The following PTTG1IP variants were observed in gnomAD, a reference collection of about 807,000 sequenced individuals.
PTTG1IP encodes the protein PTTG1 interacting protein, also known as pituitary tumor-transforming gene 1 protein-interacting protein.
Under a neutral mutation model 24.4 loss-of-function variants are expected in PTTG1IP, and 16 were observed. The observed-to-expected ratio is 0.66, with a 90% CI of 0.44 to 1.00. PTTG1IP has a LOEUF of 1.00. PTTG1IP is among the 50% of genes least tolerant of loss of function. PTTG1IP has a pLI of 0.00. For synonymous variants in PTTG1IP, 89 were observed against 96.8 expected (o/e 0.92, Z 0.47); for missense variants, 241 against 245.8 (o/e 0.98, Z 0.13).
intron 2 of PTTG1IP, chr21:44,861,868 G>T (rs1323587433): frequency 1.4e-6 from 1 of 717,172 alleles, no homozygotes; most frequent in South Asian, 1.5e-5. Context: ...GAATGGACTT[G>T]GGTGAGCATG....
intron 3 of PTTG1IP, among the ~76,000 whole-genome samples, chr21:44,860,822 T>C (rs2083485300): frequency 6.6e-6 from 1 of 152,084 alleles, no homozygotes; most frequent in Non-Finnish European, 1.5e-5. Flanking sequence ...TTCTTTTTTT[T>C]TTGAGACAGT....
intron 3 of PTTG1IP, among the ~76,000 whole-genome samples, chr21:44,857,224 C>T (rs560402955): frequency 6.6e-6 from 1 of 152,240 alleles, no homozygotes; most frequent in Non-Finnish European, 1.5e-5. Context: ...CACCTATAAT[C>T]CCAGCACTTT....
At chr21:44,853,623 G>A (rs78467371) in intron 5 of PTTG1IP, among the ~76,000 whole-genome samples, 4,799 of 152,122 alleles carry the variant, frequency 0.032, 98 homozygotes, top group Middle Eastern at 0.11. Flanking sequence ...CACGCTCCAC[G>A]TACACAGGCA....
chr21:44,856,515 G>A (rs1290702591), intron 3 of PTTG1IP, 151 bp from the exon 4 acceptor site: 4 of 845,810 alleles, frequency 4.7e-6, no homozygotes, highest in East Asian at 2.7e-5. Context: ...CTGGCGTGTG[G>A]AGAGCCTGTG....
chr21:44,867,328 C>T (rs1221987405), intron 1 of PTTG1IP, among the ~76,000 whole-genome samples: 2 of 152,044 alleles, frequency 1.3e-5, no homozygotes, highest in African/African-American at 2.4e-5. Flanking sequence ...GAGCGAAAGA[C>T]GCCTTCCACA....
rs1018516740 is a variant in PTTG1IP, at chr21:44,861,747, C to T, written c.169-476G>A. 7.3e-5 allele frequency: 52 copies of T among 717,232 alleles called. No individual in the cohort carries two copies. In the East Asian group the frequency reaches 7.8e-4, roughly 11 times the overall value. 44.4% of individuals were successfully genotyped at this position (717,232 alleles called of 1,614,324 possible). On this transcript the variant is annotated intron_variant, in intron 2 of 5. Transcript: ENST00000330938. ...CCTCACCTCCTGTGAGGTTTGCTTC[C>T]GTAGACCTCTCCTCCCCACACGCCG...
intron 4 of PTTG1IP, 144 bp from the exon 5 acceptor site, chr21:44,855,400 G>T: frequency 1.2e-6 from 1 of 832,688 alleles, no homozygotes; most frequent in Non-Finnish European, 1.9e-6. Context: ...ACCAGGGTGA[G>T]GACAAGCTTG....
chr21:44,855,160 C>T (rs368241467), intron 5 of PTTG1IP, 50 bp downstream of exon 5: 2 of 1,542,194 alleles, frequency 1.3e-6, no homozygotes, highest in Admixed American at 1.7e-5. Flanking sequence ...ACCGAGACAG[C>T]GTGCCATCGC....
Position 44,855,289 on chromosome 21 carries a change from C to T in PTTG1IP, c.450-33G>A, listed in dbSNP as rs756271196. Reference sequence around the variant, plus strand: ...ACAGAGGAACATTATGAGCACCAAACGACAGCGCACGGTGGTGTAACTGCT... The same window carrying T: ...ACAGAGGAACATTATGAGCACCAAATGACAGCGCACGGTGGTGTAACTGCT... On this transcript the variant is annotated intron_variant, in intron 4 of 5. Coordinates refer to ENST00000330938, the MANE Select transcript of PTTG1IP (RefSeq NM_004339.4). The T allele has an allele frequency of 1.1e-5, 17 of 1,587,856 alleles. No homozygotes were observed. In the South Asian group the frequency reaches 1.7e-4, roughly 15 times the overall value.
At position 44,856,239 on chromosome 21, in the gene PTTG1IP, TCTC is replaced by T. The variant is rs1284971855; in HGVS notation, c.400_402del (p.Glu134del). ...CTCTCCTCCCGCTCACGCATGGCCT[TCTC>T]CTCACTCCTGTCCGGCTTCCGGCTC... On this transcript the variant is annotated inframe_deletion, in exon 4 of 6. Transcript: ENST00000330938. The T allele has an allele frequency of 6.2e-7, 1 of 1,614,104 alleles. No individual in the cohort carries two copies. The highest frequency in any genetic ancestry group is 1.3e-5 in the African/African-American group (1 of 75,014).
intron 1 of PTTG1IP, among the ~76,000 whole-genome samples, chr21:44,867,441 G>C (rs1011863446): frequency 3.3e-5 from 5 of 152,130 alleles, no homozygotes; most frequent in Non-Finnish European, 7.4e-5. Flanking sequence ...GGCCATGCGT[G>C]GGGGAGGCTG....
chr21:44,870,548 A>AG (rs2083577144), intron 1 of PTTG1IP, among the ~76,000 whole-genome samples: 1 of 150,498 alleles, frequency 6.6e-6, no homozygotes, highest in South Asian at 2.1e-4. Context: ...AAAAAAAAAA[A>AG]GAAAGGCATG....
chr21:44,867,267 A>C (rs1390251822), intron 1 of PTTG1IP, among the ~76,000 whole-genome samples: 1 of 152,252 alleles, frequency 6.6e-6, no homozygotes, highest in Non-Finnish European at 1.5e-5. Context: ...AGCGATAAAA[A>C]GAAACGAACT....
chr21:44,868,072 T>C (rs2083556615), intron 1 of PTTG1IP, among the ~76,000 whole-genome samples: 1 of 152,232 alleles, frequency 6.6e-6, no homozygotes, highest in African/African-American at 2.4e-5. Context: ...TTTAAGCCAC[T>C]TTAGATACTT....
rs761076398 is a variant in PTTG1IP, at chr21:44,866,374, A to AAC, written c.116-929_116-928dup. 2.9e-3 allele frequency among the ~76,000 whole-genome samples: 131 copies of AAC among 44,754 alleles called. 14 individuals are homozygous for AAC. The highest frequency in any genetic ancestry group is 9.2e-3 in the East Asian group (8 of 874). The allele number at this position is 44,754 out of a possible 152,430, so 29.4% of individuals were successfully genotyped here. Reference sequence around the variant, plus strand: ...CACAGACTGCCTACTCCAATCCCATAACACACACACACACACACACACACA... The same window carrying AAC: ...CACAGACTGCCTACTCCAATCCCATAACACACACACACACACACACACACACA... On this transcript the variant is annotated intron_variant, in intron 1 of 5. Coordinates refer to ENST00000330938, the MANE Select transcript of PTTG1IP (RefSeq NM_004339.4).
At chr21:44,865,545 A>C (rs2083529309) in intron 1 of PTTG1IP, 98 bp from the exon 2 acceptor site, 12 of 1,191,540 alleles carry the variant, frequency 1.0e-5, no homozygotes, top group Non-Finnish European at 1.5e-5. Flanking sequence ...GGGGTGTGGC[A>C]CCAAGAACCT....
intron 2 of PTTG1IP, among the ~76,000 whole-genome samples, chr21:44,863,771 G>C (rs2083512667): frequency 6.6e-6 from 1 of 152,226 alleles, no homozygotes; most frequent in South Asian, 2.1e-4. Flanking sequence ...CATCACCAAT[G>C]TCAAGATCTG....
In PTTG1IP at chr21:44,865,445, A is replaced by G; in HGVS notation, c.118T>C (p.Cys40Arg). Residue 40 changes from cysteine (C) to arginine (R), a missense_variant and splice_region_variant, in exon 2 of 6, where the codon TGT becomes CGT. Transcript: ENST00000330938. The stretch of plus-strand genomic sequence containing the variant: ...CAGGTTTTGTTTGTGTTCTGAGAAC[A>G]AGCTGCAGGAAAGAGGCAAGAGACA... ...AAAQEPPGAA[C>R]SQNTNKTCEE... 6.2e-7 allele frequency: 1 copy of G among 1,614,192 alleles called. No individual in the cohort carries two copies. Among genetic ancestry groups the G allele is most frequent in the Non-Finnish European group, 8.5e-7 (1 of 1,180,020 alleles).
intron 5 of PTTG1IP, among the ~76,000 whole-genome samples, chr21:44,852,651 C>T (rs2083419778): frequency 6.6e-6 from 1 of 152,160 alleles, no homozygotes; most frequent in Non-Finnish European, 1.5e-5. Context: ...AGGAGGGCCA[C>T]AGGCATCAGG....
Sources: gnomAD v4.1 joint callset for allele counts (sites outside exome capture counted in the v4.1 genomes callset) on GRCh38, gnomAD v4.1.1 for gene constraint, MANE v1.5 for transcripts, NCBI Gene and HGNC (gene_info 2026-07-23, HGNC 2026-07-21) for gene names.